Variants in CSNK1G1 observed in about 807,000 individuals in gnomAD.
CSNK1G1 encodes casein kinase I isoform gamma-1.
CSNK1G1 carries 22 observed loss-of-function variants against 59.6 expected under a neutral mutation model. The observed-to-expected ratio is 0.37, with a 90% CI of 0.26 to 0.53. The LOEUF (loss-of-function observed/expected upper bound fraction) is 0.53. CSNK1G1 is among the 20% of genes least tolerant of loss of function. CSNK1G1 has a pLI of 0.89. For synonymous variants in CSNK1G1, 179 were observed against 177.1 expected (o/e 1.01, Z -0.08); for missense variants, 384 against 519.5 (o/e 0.74, Z 2.54).
rs540631334 is a variant in CSNK1G1, at chr15:64,288,397, A to AG, written c.181+11921dup. The stretch of plus-strand genomic sequence containing the variant: ...ACAACATCTAATATTGAAAAAATTA[A>AG]GAAATAATATTTAGAAATAAGGAGG... On this transcript the variant is annotated intron_variant, in intron 2 of 11. Coordinates refer to ENST00000303052, the MANE Select transcript of CSNK1G1 (RefSeq NM_022048.5). Among the ~76,000 whole-genome samples the AG allele has an allele frequency of 3.1e-3, 472 of 152,258 alleles. 3 individuals are homozygous for AG. Among genetic ancestry groups the AG allele is most frequent in the African/African-American group, 0.011 (456 of 41,570 alleles).
intron 2 of CSNK1G1, among the ~76,000 whole-genome samples, chr15:64,270,178 T>C (rs1460304179): frequency 6.6e-6 from 1 of 152,218 alleles, no homozygotes. Context: ...TGTGTTTACT[T>C]GGATCTTCTC....
chr15:64,220,423 C>G (rs1244019669), intron 4 of CSNK1G1, among the ~76,000 whole-genome samples: 1 of 151,792 alleles, frequency 6.6e-6, no homozygotes, highest in Non-Finnish European at 1.5e-5. Flanking sequence ...CAAATAGCAA[C>G]TTGCCCAGTT....
intron 1 of CSNK1G1, chr15:64,316,987 C>T (rs1896306564): frequency 6.6e-6 from 1 of 152,164 alleles, no homozygotes; most frequent in African/African-American, 2.4e-5. Flanking sequence ...ATGCTCCCGG[C>T]CGAATAAAGC....
intron 7 of CSNK1G1, among the ~76,000 whole-genome samples, 153 bp from the exon 8 acceptor site, chr15:64,205,102 G>C (rs1347589769): frequency 6.6e-6 from 1 of 152,170 alleles, no homozygotes; most frequent in Non-Finnish European, 1.5e-5. Flanking sequence ...AAATGTAGTA[G>C]AAATTATATA....
rs764187009 is a variant in CSNK1G1, at chr15:64,216,592, C to T, written c.414G>A (p.Leu138=). The T allele has an allele frequency of 1.2e-6, 2 of 1,613,870 alleles. No individual in the cohort carries two copies. Among genetic ancestry groups the T allele is most frequent in the Non-Finnish European group, 8.5e-7 (1 of 1,179,858 alleles). The change falls in exon 5 of 12, where the codon TTG becomes TTA. Residue 138 remains leucine (L), a synonymous_variant. Coordinates refer to ENST00000303052, the MANE Select transcript of CSNK1G1 (RefSeq NM_022048.5). This position sits in a 1 kb window ranked among gnomAD's most constrained non-coding sequence, Gnocchi z 4.6. ...LFDLCDRTFT[L]KTVLMIAIQL... ...GGATGGCTATCATTAACACCGTCTT[C>T]AAAGTAAATGTTCGGTCACAGAGGT...
Position 64,338,854 on chromosome 15 carries a change from C to A in CSNK1G1, c.-225+17134G>T, listed in dbSNP as rs1897538775. The stretch of plus-strand genomic sequence containing the variant: ...CCAACATGGTGAAACCCCGTCTCTA[C>A]TAAAAATACAAAATTAGCCAAGGAT... On this transcript the variant is annotated intron_variant, in intron 1 of 11. Coordinates refer to ENST00000303052, the MANE Select transcript of CSNK1G1 (RefSeq NM_022048.5). Among the ~76,000 whole-genome samples the A allele has an allele frequency of 2.0e-5, 3 of 151,816 alleles. No homozygotes were observed. The South Asian group carries it at 6.2e-4, about 32-fold the overall frequency.
intron 4 of CSNK1G1, among the ~76,000 whole-genome samples, chr15:64,222,684 A>C (rs542203590): frequency 5.9e-5 from 9 of 151,912 alleles, no homozygotes; most frequent in Non-Finnish European, 8.8e-5. Context: ...AAAAAAAAAA[A>C]AAAACCCAAA....
At chr15:64,263,889 G>A (rs1171796111) in intron 2 of CSNK1G1, among the ~76,000 whole-genome samples, 1 of 141,372 alleles carries the variant, frequency 7.1e-6, no homozygotes, top group African/African-American at 2.6e-5. Context: ...GACTAAGCCA[G>A]CACCCAATTT....
chr15:64,182,666 T>A (rs1281471807), intron 10 of CSNK1G1, among the ~76,000 whole-genome samples: 2 of 152,214 alleles, frequency 1.3e-5, no homozygotes, highest in African/African-American at 4.8e-5. Flanking sequence ...TAAGATATAA[T>A]GATGTCTGCA....
At chr15:64,189,105 G>A (rs747311662) in intron 10 of CSNK1G1, among the ~76,000 whole-genome samples, 25 of 152,050 alleles carry the variant, frequency 1.6e-4, no homozygotes, top group African/African-American at 4.8e-4. Context: ...CAGCCTGCGC[G>A]ACAGAGCAAG....
chr15:64,215,187 C>A (rs1391323819), intron 5 of CSNK1G1, among the ~76,000 whole-genome samples: 1 of 145,306 alleles, frequency 6.9e-6, no homozygotes, highest in Non-Finnish European at 1.5e-5. Flanking sequence ...TTTCTATCTA[C>A]TAAGCTTTTC....
intron 1 of CSNK1G1, among the ~76,000 whole-genome samples, chr15:64,316,226 C>T (rs1896256361): frequency 6.6e-6 from 1 of 151,742 alleles, no homozygotes; most frequent in Admixed American, 6.6e-5. Flanking sequence ...AACAAACAAA[C>T]AAACAAACAA....
At chr15:64,278,147 A>G (rs1384845175) in intron 2 of CSNK1G1, among the ~76,000 whole-genome samples, 1 of 149,734 alleles carries the variant, frequency 6.7e-6, no homozygotes, top group Non-Finnish European at 1.5e-5. Flanking sequence ...GCCGGTTTCA[A>G]GCAATTCTCC....
chr15:64,300,502 T>C lies in CSNK1G1; in HGVS notation c.-3A>G, dbSNP rs748866680. The C allele has an allele frequency of 3.1e-6, 5 of 1,613,954 alleles. No homozygotes were observed. In the South Asian group the frequency reaches 5.5e-5, roughly 18 times the overall value. On this transcript the variant is annotated 5_prime_UTR_variant, in exon 2 of 12. Transcript: ENST00000303052. ...TTTTCCCTACTAGGATGGTCCATGA[T>C]CCTACAGGACAGAGTCTCCTATAGT...
chr15:64,251,540 G>A lies in CSNK1G1; in HGVS notation c.264C>T (p.Tyr88=). 1.2e-6 allele frequency: 2 copies of A among 1,612,646 alleles called. No homozygotes were observed. The highest frequency in any genetic ancestry group is 2.2e-5 in the South Asian group (2 of 90,864). The change falls in exon 4 of 12, where the codon TAC becomes TAT. Residue 88 remains tyrosine (Y), a synonymous_variant. Coordinates refer to ENST00000303052, the MANE Select transcript of CSNK1G1 (RefSeq NM_022048.5). ...CACTGCCAAGCTGTTTATAAAATCT[G>A]TACTCTAAATGAAGCTGTGGAGCAC... ...KSRAPQLHLE[Y]RFYKQLGSAG...
chr15:64,300,056 C>A (rs1413724889), intron 2 of CSNK1G1, among the ~76,000 whole-genome samples: 13 of 152,122 alleles, frequency 8.5e-5, no homozygotes, highest in Admixed American at 8.5e-4. Context: ...TTACTGATAT[C>A]TGTATGCAAC....
rs1898651966 is a variant in CSNK1G1, at chr15:64,355,969, G to A, written c.-225+19C>T. ...CTCAGACTTCAGCCTACAGAACCCC[G>A]ACGAAGCCGGGCAGATACCTGGTCC... On this transcript the variant is annotated intron_variant, in intron 1 of 11. Transcript: ENST00000303052. The A allele has an allele frequency of 7.7e-6, 1 of 130,304 alleles. No homozygotes were observed. The highest frequency in any genetic ancestry group is 9.0e-5 in the Admixed American group (1 of 11,086). 8.1% of individuals were successfully genotyped at this position (130,304 alleles called of 1,614,324 possible). A position where few individuals can be genotyped will look rare whatever the true frequency, so the allele number is the denominator to read the frequency against.
At chr15:64,230,977 AAAAT>A (rs1242518754) in intron 4 of CSNK1G1, among the ~76,000 whole-genome samples, 1 of 151,920 alleles carries the variant, frequency 6.6e-6, no homozygotes. Flanking sequence ...CCGTCTCAAA[AAAAT>A]AAATAAATAA....
chr15:64,348,430 TCTATGTA>T (rs1433234933), intron 1 of CSNK1G1: 1 of 152,100 alleles, frequency 6.6e-6, no homozygotes, highest in African/African-American at 2.4e-5. Flanking sequence ...CACACTGAAC[TCTATGTA>T]CTATCTGCTC....
Sources: allele counts gnomAD v4.1 joint callset (sites outside exome capture counted in the v4.1 genomes callset), GRCh38; gene constraint gnomAD v4.1.1; non-coding constraint Gnocchi (gnomAD v3.1); transcripts MANE v1.5; gene names NCBI Gene and HGNC (gene_info 2026-07-23, HGNC 2026-07-21).